KIAA0930: variants seen among roughly 807,000 people sequenced by gnomAD.
KIAA0930 encodes uncharacterized protein KIAA0930.
In KIAA0930, 24 loss-of-function variants were observed where a neutral mutation model predicts 43.9. That is an observed-to-expected ratio of 0.55 (90% CI 0.40 to 0.77). The LOEUF is 0.77. KIAA0930 is among the 30% of genes least tolerant of loss of function. The pLI is 0.00. For missense variants in KIAA0930, 461 were observed against 574.2 expected (o/e 0.80, Z 2.02); for synonymous variants, 259 against 216.4 (o/e 1.20, Z -1.73).
At position 45,203,885 on chromosome 22, in the gene KIAA0930, G is replaced by A; in HGVS notation, c.617C>T (p.Ser206Phe). ...NTFQGVIFQG[S>F]IRYEALKKVY... is the part of the protein sequence containing the mutation. ...CTTCTTGAGCGCCTCGTAGCGGATG[G>A]AGCCCTGAAAGATGACCCCCTGGAA... The change falls in exon 6 of 10, where the codon TCC becomes TTC. Residue 206 changes from serine to phenylalanine, a missense_variant. Ser to Phe is a radical substitution (Grantham distance 155, BLOSUM62 -2). Transcript: ENST00000336156. The A allele has an allele frequency of 6.2e-7, 1 of 1,614,094 alleles. No individual in the cohort carries two copies. Among genetic ancestry groups the A allele is most frequent in the Non-Finnish European group, 8.5e-7 (1 of 1,179,982 alleles).
At chr22:45,197,637 T>G (rs544074440) in intron 9 of KIAA0930, among the ~76,000 whole-genome samples, 153 bp downstream of exon 9, 1 of 152,080 alleles carries the variant, frequency 6.6e-6, no homozygotes, top group South Asian at 2.1e-4. Flanking sequence ...CCACCCAAAG[T>G]CTGAGACAAA....
Position 45,193,265 on chromosome 22 carries a change from C to T in KIAA0930, c.*3911G>A, listed in dbSNP as rs368763004. The T allele has an allele frequency of 1.3e-5, 2 of 151,902 alleles. No individual in the cohort carries two copies. Among genetic ancestry groups the T allele is most frequent in the Non-Finnish European group, 1.5e-5 (1 of 68,036 alleles). 9.4% of individuals were successfully genotyped at this position (151,902 alleles called of 1,614,324 possible). On this transcript the variant is annotated 3_prime_UTR_variant, in exon 10 of 10. Coordinates refer to ENST00000336156, the MANE Select transcript of KIAA0930 (RefSeq NM_001009880.2). ...ACCTAAATTCAAAAATTGAGGAAAA[C>T]GTCAGTGAAACCTGTTAAGTTCGCT... is the stretch of plus-strand genomic sequence containing the variant.
chr22:45,206,060 G>T, intron 2 of KIAA0930, 148 bp from the exon 3 acceptor site: 1 of 1,378,700 alleles, frequency 7.3e-7, no homozygotes, highest in Non-Finnish European at 9.8e-7. Context: ...CCGCTGCCCA[G>T]GCTAGAGAGC....
intron 1 of KIAA0930, among the ~76,000 whole-genome samples, chr22:45,217,985 C>T (rs2083743953): frequency 6.6e-6 from 1 of 152,140 alleles, no homozygotes; most frequent in East Asian, 1.9e-4. Flanking sequence ...AAGCCTGGGC[C>T]GTCCACACCC....
At chr22:45,234,918 C>T (rs1447986952) in intron 1 of KIAA0930, among the ~76,000 whole-genome samples, 1 of 152,146 alleles carries the variant, frequency 6.6e-6, no homozygotes, top group Non-Finnish European at 1.5e-5. Flanking sequence ...CAGGACTTTG[C>T]AAAGTTAATG....
intron 8 of KIAA0930, chr22:45,198,183 AC>A: frequency 1.3e-5 from 7 of 551,458 alleles, no homozygotes; most frequent in Non-Finnish European, 2.3e-5. Flanking sequence ...GACTTTGGCC[AC>A]CCCCCTCATC....
At chr22:45,208,323 T>A (rs13056827) in intron 2 of KIAA0930, among the ~76,000 whole-genome samples, 1 of 139,914 alleles carries the variant, frequency 7.1e-6, no homozygotes, top group Admixed American at 7.0e-5. Flanking sequence ...AACCACCGAC[T>A]CCACACACAT....
intron 7 of KIAA0930, among the ~76,000 whole-genome samples, chr22:45,200,635 C>T (rs1013318665): frequency 1.8e-4 from 27 of 152,204 alleles, no homozygotes; most frequent in African/African-American, 6.3e-4. Flanking sequence ...AGCTCTATGC[C>T]TCTGTCTTCT....
In KIAA0930 at chr22:45,203,484, C is replaced by T. The variant is rs181118733; in HGVS notation, c.658-300G>A. On this transcript the variant is annotated intron_variant, in intron 6 of 9. Transcript: ENST00000336156. ...GGGGAGAGGGGCCTGCCCACATCTG[C>T]TTGCTTAGTTGGGGGCGACTCGGAG... 1.1e-4 allele frequency among the ~76,000 whole-genome samples: 16 copies of T among 152,188 alleles called. No homozygotes were observed. The East Asian group carries it at 2.9e-3, about 28-fold the overall frequency.
At chr22:45,237,883 C>A (rs1256787177) in intron 1 of KIAA0930, among the ~76,000 whole-genome samples, 3 of 151,876 alleles carry the variant, frequency 2.0e-5, no homozygotes, top group Non-Finnish European at 4.4e-5. Context: ...AGTAAGCTCA[C>A]CCCTCGCTGA....
intron 1 of KIAA0930, among the ~76,000 whole-genome samples, chr22:45,239,904 T>TG (rs113370146): frequency 2.0e-5 from 3 of 151,896 alleles, no homozygotes; most frequent in African/African-American, 7.3e-5. Flanking sequence ...AGTCTGGGCA[T>TG]GATCCATCAG....
intron 1 of KIAA0930, among the ~76,000 whole-genome samples, chr22:45,222,754 C>G (rs904113131): frequency 4.0e-5 from 6 of 148,576 alleles, no homozygotes; most frequent in South Asian, 2.2e-4. Flanking sequence ...TTAACAAATA[C>G]TAAGTTGTAC....
Position 45,205,686 on chromosome 22 carries a change from C to T in KIAA0930, c.358G>A (p.Ala120Thr). Residue 120 changes from alanine (A) to threonine (T), a missense_variant, in exon 4 of 10, where the codon GCG becomes ACG. Coordinates refer to ENST00000336156, the MANE Select transcript of KIAA0930 (RefSeq NM_001009880.2). Reference sequence around the variant, plus strand: ...CCGCCGTCAGCACGTGTGCACACCGCACAGGTCACCATGTAGTCCAGCTGG... The same window carrying T: ...CCGCCGTCAGCACGTGTGCACACCGTACAGGTCACCATGTAGTCCAGCTGG... ...LQKLDYMVTC[A>T]VCTRADGGDI... 1 of 1,614,166 alleles carries T rather than the reference C, an allele frequency of 6.2e-7. No homozygotes were observed.
rs2147729422 is a variant in KIAA0930, at chr22:45,194,865, C to T, written c.*2311G>A. On this transcript the variant is annotated 3_prime_UTR_variant, in exon 10 of 10. Coordinates refer to ENST00000336156, the MANE Select transcript of KIAA0930 (RefSeq NM_001009880.2). The stretch of plus-strand genomic sequence containing the variant: ...CCAGGCCGCGTGCCTGGGTTTGACT[C>T]CCATCGCCGGCCCCTGCTGTTAGTT... The T allele has an allele frequency of 6.6e-6, 1 of 152,352 alleles. No individual in the cohort carries two copies. The highest frequency in any genetic ancestry group is 1.9e-4 in the East Asian group (1 of 5,168). The allele number at this position is 152,352 out of a possible 1,614,324, so 9.4% of individuals were successfully genotyped here.
At chr22:45,224,390 A>AC (rs1380150300) in intron 1 of KIAA0930, among the ~76,000 whole-genome samples, 1 of 152,180 alleles carries the variant, frequency 6.6e-6, no homozygotes, top group Non-Finnish European at 1.5e-5. Flanking sequence ...TTACAAATAC[A>AC]CCCAGGGCTG....
chr22:45,200,153 T>TG (rs1477009155), intron 7 of KIAA0930, 118 bp from the exon 8 acceptor site: 1 of 1,084,026 alleles, frequency 9.2e-7, no homozygotes, highest in East Asian at 3.0e-5. Flanking sequence ...AAGAGGCCGC[T>TG]GGCCCAGGAG....
chr22:45,206,616 G>A (rs1462272783), intron 2 of KIAA0930, among the ~76,000 whole-genome samples: 1 of 152,014 alleles, frequency 6.6e-6, no homozygotes, highest in African/African-American at 2.4e-5. Context: ...ACAGATCAGA[G>A]TCAAATTTAC....
intron 1 of KIAA0930, among the ~76,000 whole-genome samples, chr22:45,216,299 T>A (rs2083732216): frequency 6.6e-6 from 1 of 152,134 alleles, no homozygotes; most frequent in East Asian, 1.9e-4. Context: ...GTTCTACCTG[T>A]CAGATGGGTC....
At chr22:45,215,473 G>A (rs531797272) in intron 1 of KIAA0930, among the ~76,000 whole-genome samples, 223 of 152,236 alleles carry the variant, frequency 1.5e-3, no homozygotes, top group Non-Finnish European at 2.8e-3. Context: ...AAAACATTTC[G>A]TGTGTTACTC....
Sources: gnomAD v4.1 joint callset for allele counts (sites outside exome capture counted in the v4.1 genomes callset) on GRCh38, gnomAD v4.1.1 for gene constraint, MANE v1.5 for transcripts, NCBI Gene and HGNC (gene_info 2026-07-23, HGNC 2026-07-21) for gene names.